The following MGAT4C variants were observed in gnomAD, a reference collection of about 807,000 sequenced individuals.
MGAT4C encodes the protein alpha-1,3-mannosyl-glycoprotein 4-beta-N-acetylglucosaminyltransferase C.
In MGAT4C, 19 loss-of-function variants were observed where a neutral mutation model predicts 40.1. The observed-to-expected ratio is 0.47, with a 90% CI of 0.33 to 0.70. MGAT4C has a LOEUF of 0.70. Ranked by LOEUF, MGAT4C falls within the 30% of genes least tolerant of loss-of-function variation. The pLI is 0.02. For synonymous variants in MGAT4C, 181 were observed against 187.1 expected, an observed-to-expected ratio of 0.97 and a Z score of 0.27; for missense variants, 491 against 563.2, an observed-to-expected ratio of 0.87 and a Z score of 1.30.
At chr12:86,046,443 G>A (rs533648115) in intron 2 of MGAT4C, among the ~76,000 whole-genome samples, 1 of 152,288 alleles carries the variant, frequency 6.6e-6, no homozygotes, top group South Asian at 2.1e-4. Flanking sequence ...TTTACATGAA[G>A]TGAGGTCCTA....
At chr12:86,704,100 T>C (rs550705029) in intron 2 of MGAT4C, among the ~76,000 whole-genome samples, 1 of 152,284 alleles carries the variant, frequency 6.6e-6, no homozygotes, top group South Asian at 2.1e-4. Context: ...GAGCTAATTA[T>C]AATTATATTT....
intron 1 of MGAT4C, among the ~76,000 whole-genome samples, chr12:86,235,461 A>T (rs1230837347): frequency 2.0e-5 from 3 of 152,056 alleles, no homozygotes; most frequent in Non-Finnish European, 4.4e-5. Context: ...CTACATACTA[A>T]GGCGTTACAA....
intron 2 of MGAT4C, among the ~76,000 whole-genome samples, chr12:86,636,350 G>C (rs1193752135): frequency 2.6e-5 from 4 of 151,996 alleles, no homozygotes; most frequent in African/African-American, 9.7e-5. Context: ...TCCCCAGTAA[G>C]TTCCCTCAAA....
intron 4 of MGAT4C, among the ~76,000 whole-genome samples, chr12:86,281,452 C>T (rs759474340): frequency 1.3e-5 from 2 of 151,742 alleles, no homozygotes; most frequent in Non-Finnish European, 2.9e-5. Context: ...ATCTGTATCT[C>T]TGTATATGTA....
chr12:86,613,402 G>A (rs1962348024), intron 2 of MGAT4C, among the ~76,000 whole-genome samples: 1 of 151,960 alleles, frequency 6.6e-6, no homozygotes, highest in Non-Finnish European at 1.5e-5. Context: ...AGATAAAGTG[G>A]CAATCAATCC....
rs1436442993 is a variant in MGAT4C, at chr12:86,422,629, T to TA, written c.-120+12527dup. 1.3e-4 allele frequency among the ~76,000 whole-genome samples: 20 copies of TA among 152,310 alleles called. No individual in the cohort carries two copies. The East Asian group carries it at 3.9e-3, about 29-fold the overall frequency. On this transcript the variant is annotated intron_variant, in intron 3 of 7. Coordinates refer to the MGAT4C transcript ENST00000548651. ...TTCATGCCTATGCTAACTCTCAATT[T>TA]AAAAAGAATCATAAAATTTCTATTT...
intron 1 of MGAT4C, among the ~76,000 whole-genome samples, chr12:86,730,916 C>A (rs1306637161): frequency 6.6e-6 from 1 of 151,968 alleles, no homozygotes; most frequent in Non-Finnish European, 1.5e-5. Flanking sequence ...TTTATTTAAT[C>A]CTCCACAGCA....
chr12:86,439,088 G>GA (rs1957185076), intron 2 of MGAT4C, among the ~76,000 whole-genome samples: 1 of 151,880 alleles, frequency 6.6e-6, no homozygotes, highest in Non-Finnish European at 1.5e-5. Flanking sequence ...AGTCAACAAA[G>GA]AAACACTGGA....
At chr12:86,118,735 A>G (rs1178477534) in intron 1 of MGAT4C, among the ~76,000 whole-genome samples, 1 of 152,212 alleles carries the variant, frequency 6.6e-6, no homozygotes, top group Non-Finnish European at 1.5e-5. Context: ...TTTAAAAATA[A>G]ATAGAGATCA....
chr12:86,342,575 C>T (rs755286828), intron 3 of MGAT4C, among the ~76,000 whole-genome samples: 7 of 152,118 alleles, frequency 4.6e-5, no homozygotes, highest in Non-Finnish European at 8.8e-5. Context: ...GTCCCACATA[C>T]GCTCCATGGC....
intron 2 of MGAT4C, among the ~76,000 whole-genome samples, chr12:86,538,991 T>A (rs1959125746): frequency 6.6e-6 from 1 of 152,150 alleles, no homozygotes; most frequent in Non-Finnish European, 1.5e-5. Flanking sequence ...GTTATTTCAT[T>A]TTTATTTATA....
chr12:86,149,693 A>G (rs1028118573), intron 1 of MGAT4C, among the ~76,000 whole-genome samples: 1 of 152,200 alleles, frequency 6.6e-6, no homozygotes, highest in Non-Finnish European at 1.5e-5. Flanking sequence ...TTGTGGGTTG[A>G]TATCTTAGAA....
intron 2 of MGAT4C, among the ~76,000 whole-genome samples, chr12:86,552,181 C>T (rs2136397814): frequency 6.6e-6 from 1 of 151,900 alleles, no homozygotes; most frequent in East Asian, 1.9e-4. Context: ...AAAATATAGA[C>T]AGAAAATTCA....
At chr12:86,355,679 G>A (rs1451157542) in intron 3 of MGAT4C, among the ~76,000 whole-genome samples, 4 of 151,990 alleles carry the variant, frequency 2.6e-5, no homozygotes, top group African/African-American at 4.8e-5. Context: ...AAGAATAAAG[G>A]TGGAATAAAA....
At chr12:86,275,665 G>A (rs1383735985) in intron 4 of MGAT4C, among the ~76,000 whole-genome samples, 2 of 152,048 alleles carry the variant, frequency 1.3e-5, no homozygotes, top group Non-Finnish European at 2.9e-5. Flanking sequence ...GGATTAAAGC[G>A]GAGAGTGGAG....
intron 1 of MGAT4C, among the ~76,000 whole-genome samples, chr12:86,205,333 G>C (rs1045703500): frequency 1.4e-5 from 2 of 137,940 alleles, no homozygotes; most frequent in South Asian, 4.8e-4. Flanking sequence ...ATTATAGTTA[G>C]TTTTAAATTA....
intron 2 of MGAT4C, among the ~76,000 whole-genome samples, chr12:86,634,670 C>CTATAAT (rs1042779380): frequency 2.0e-5 from 3 of 152,068 alleles, no homozygotes; most frequent in African/African-American, 7.2e-5. Flanking sequence ...AAAAAACATC[C>CTATAAT]TATAATTCCC....
chr12:86,572,564 C>T (rs1011722737), intron 2 of MGAT4C, among the ~76,000 whole-genome samples: 1 of 152,104 alleles, frequency 6.6e-6, no homozygotes, highest in African/African-American at 2.4e-5. Context: ...TCACATGGAT[C>T]CTATGTCTGT....
chr12:86,484,644 GA>G (rs1957987997), intron 2 of MGAT4C, among the ~76,000 whole-genome samples: 1 of 152,268 alleles, frequency 6.6e-6, no homozygotes, highest in Non-Finnish European at 1.5e-5. Context: ...AGAGGGGTGA[GA>G]AATGTGGGTT....
Sources: gnomAD v4.1 joint callset for allele counts (sites outside exome capture counted in the v4.1 genomes callset) on GRCh38, gnomAD v4.1.1 for gene constraint, MANE v1.5 for transcripts, NCBI Gene and HGNC (gene_info 2026-07-23, HGNC 2026-07-21) for gene names.